IWS1: variants seen among roughly 807,000 people sequenced by gnomAD.
The protein encoded by IWS1 is protein IWS1 homolog.
In IWS1, 27 loss-of-function variants were observed where a neutral mutation model predicts 86.7. The ratio of observed to expected loss-of-function variants is 0.31; its 90% CI spans 0.23 to 0.43. The LOEUF (loss-of-function observed/expected upper bound fraction) is 0.43, where lower values mean the gene tolerates loss of function less well. IWS1 is among the 20% of genes least tolerant of loss of function. The pLI, the probability that IWS1 is intolerant of heterozygous loss-of-function variation, is 1.00. For synonymous variants in IWS1, 313 were observed against 335.1 expected, an observed-to-expected ratio of 0.93 and a Z score of 0.72; for missense variants, 827 against 1,000.8, an observed-to-expected ratio of 0.83 and a Z score of 2.34.
chr2:127,492,141 T>C (rs1348566821), intron 9 of IWS1, 53 bp from the exon 10 acceptor site: 1 of 1,167,802 alleles, frequency 8.6e-7, no homozygotes, highest in African/African-American at 1.5e-5. Context: ...GCTGGGGGTC[T>C]TGCTAGTCTA....
chr2:127,484,853 C>A (rs1454522394), intron 13 of IWS1, among the ~76,000 whole-genome samples: 1 of 151,924 alleles, frequency 6.6e-6, no homozygotes, highest in Non-Finnish European at 1.5e-5. Context: ...AAAAATTAGC[C>A]GAGCATGGTG....
In IWS1 at chr2:127,495,807, T is replaced by C. The variant is rs562005659; in HGVS notation, c.1716+191A>G. Reference sequence around the variant, plus strand: ...ACGTTTCATTTTACTGAATACCTCATATTTTCACTTTTTCTAAACGTGTGA... The same window carrying C: ...ACGTTTCATTTTACTGAATACCTCACATTTTCACTTTTTCTAAACGTGTGA... On this transcript the variant is annotated intron_variant, in intron 7 of 13. Coordinates refer to ENST00000295321, the MANE Select transcript of IWS1 (RefSeq NM_017969.3). Among the ~76,000 whole-genome samples, 63 of 152,368 alleles carry C rather than the reference T, an allele frequency of 4.1e-4. No homozygotes were observed. Among genetic ancestry groups the C allele is most frequent in the South Asian group, 1.2e-3 (6 of 4,830 alleles).
Position 127,496,081 on chromosome 2 carries a change from G to A in IWS1, c.1633C>T (p.Arg545Trp), listed in dbSNP as rs1690495266. 7 of 1,614,004 alleles carry A rather than the reference G, an allele frequency of 4.3e-6. No individual in the cohort carries two copies. The highest frequency in any genetic ancestry group is 5.9e-6 in the Non-Finnish European group (7 of 1,179,976). ...ATAAAGGTGCCACCATCGCGGTTCCGTCTGCGCTTGCCACTCATGCTCTTT... is the reference window on the plus strand; with the variant it reads ...ATAAAGGTGCCACCATCGCGGTTCCATCTGCGCTTGCCACTCATGCTCTTT... ...RKKSMSGKRR[R>W]NRDGGTFISD... The change falls in exon 7 of 14, where the codon CGG becomes TGG. Residue 545 changes from arginine to tryptophan, a missense_variant. Arg to Trp is a moderately radical substitution (Grantham distance 101). This residue lies in a region of IWS1 where 279 missense variants were observed against 440.6 expected (regional missense o/e 0.63). Coordinates refer to ENST00000295321, the MANE Select transcript of IWS1 (RefSeq NM_017969.3).
chr2:127,522,451 T>C (rs1167240154), intron 2 of IWS1, among the ~76,000 whole-genome samples: 1 of 152,220 alleles, frequency 6.6e-6, no homozygotes, highest in East Asian at 1.9e-4. Context: ...AATGTCTTTC[T>C]CCTCCTACTG....
chr2:127,508,711 T>G (rs1691278076), intron 2 of IWS1, among the ~76,000 whole-genome samples: 1 of 152,200 alleles, frequency 6.6e-6, no homozygotes, highest in South Asian at 2.1e-4. Context: ...AAGGATCATT[T>G]TACTAGAGTA....
chr2:127,527,115 G>A (rs1237287831), upstream of IWS1, among the ~76,000 whole-genome samples: 1 of 152,178 alleles, frequency 6.6e-6, no homozygotes, highest in Non-Finnish European at 1.5e-5. Flanking sequence ...GAAAACAGCG[G>A]TGATTAAGAA....
chr2:127,491,910 T>C (rs950870710), intron 10 of IWS1, 61 bp downstream of exon 10: 7 of 952,064 alleles, frequency 7.4e-6, no homozygotes, highest in Admixed American at 3.5e-5. Flanking sequence ...CTTTTATATA[T>C]ACGCATCTCT....
At chr2:127,519,577 TAA>T (rs56303014) in intron 2 of IWS1, among the ~76,000 whole-genome samples, 6 of 149,128 alleles carry the variant, frequency 4.0e-5, no homozygotes, top group Admixed American at 1.3e-4. Context: ...ATGAGGGGTT[TAA>T]AAAAAAAAAT....
intron 12 of IWS1, among the ~76,000 whole-genome samples, chr2:127,488,772 C>T (rs985653865): frequency 1.3e-5 from 2 of 152,218 alleles, no homozygotes; most frequent in African/African-American, 4.8e-5. Flanking sequence ...CCACCTCAGG[C>T]CCCATACTAC....
chr2:127,516,622 A>G (rs944141982), intron 2 of IWS1, among the ~76,000 whole-genome samples: 3 of 152,098 alleles, frequency 2.0e-5, no homozygotes, highest in African/African-American at 7.2e-5. Flanking sequence ...TTAGCCAGGC[A>G]TGATGGTACG....
At chr2:127,495,649 T>C (rs2104678075) in intron 7 of IWS1, among the ~76,000 whole-genome samples, 1 of 152,342 alleles carries the variant, frequency 6.6e-6, no homozygotes, top group African/African-American at 2.4e-5. Flanking sequence ...AGCCGTGTCT[T>C]GATCAGGAGC....
At chr2:127,493,217 G>T in intron 9 of IWS1, 64 bp downstream of exon 9, 1 of 1,467,300 alleles carries the variant, frequency 6.8e-7, no homozygotes, top group Non-Finnish European at 9.2e-7. Flanking sequence ...AAACTACACA[G>T]GTTATGACCA....
chr2:127,503,272 A>G, intron 4 of IWS1, 115 bp downstream of exon 4: 1 of 743,750 alleles, frequency 1.3e-6, no homozygotes, highest in East Asian at 2.5e-5. Flanking sequence ...TCAGGAACTA[A>G]AATACTAAAT....
At chr2:127,520,816 T>C (rs1692051602) in intron 2 of IWS1, among the ~76,000 whole-genome samples, 2 of 152,202 alleles carry the variant, frequency 1.3e-5, no homozygotes, top group African/African-American at 4.8e-5. Context: ...TTTAATACAA[T>C]AGCTAAACAG....
Position 127,504,607 on chromosome 2 carries a change from G to A in IWS1, c.1219+77C>T, listed in dbSNP as rs923873780. 7.9e-6 allele frequency: 8 copies of A among 1,008,774 alleles called. No individual in the cohort carries two copies. The African/African-American group carries it at 1.3e-4, about 16-fold the overall frequency. The allele number at this position is 1,008,774 out of a possible 1,614,324, so 62.5% of individuals were successfully genotyped here. A position where few individuals can be genotyped will look rare whatever the true frequency, so the allele number is the denominator to read the frequency against. On this transcript the variant is annotated intron_variant, in intron 3 of 13. Transcript: ENST00000295321. ...ACAGAACACAGATCTGACATACCAA[G>A]AGGATACAATGTTCCACAGTTACAA...
At chr2:127,494,479 T>C (rs574783348) in intron 8 of IWS1, 23 of 153,566 alleles carry the variant, frequency 1.5e-4, no homozygotes, top group Non-Finnish European at 2.5e-4. Context: ...ACAAAATTAG[T>C]GGCCAGGTGC....
Position 127,503,515 on chromosome 2 carries a change from G to C in IWS1, c.1281C>G (p.Asp427Glu), listed in dbSNP as rs1019612272. 53 of 1,613,238 alleles carry C rather than the reference G, an allele frequency of 3.3e-5. No homozygotes were observed. Among genetic ancestry groups the C allele is most frequent in the Non-Finnish European group, 4.4e-5 (52 of 1,179,734 alleles). Residue 427 changes from aspartate to glutamate, a missense_variant, in exon 4 of 14, where the codon GAC becomes GAG. Coordinates refer to ENST00000295321, the MANE Select transcript of IWS1 (RefSeq NM_017969.3). Reference protein sequence around the residue: ...ADDSDSDAVSDKSGKREKTIA... With the variant: ...ADDSDSDAVSEKSGKREKTIA... ...TGGTCTTCTCTCTTTTGCCTGACTT[G>C]TCTGATACAGCATCACTGTCAGAGT... is the stretch of plus-strand genomic sequence containing the variant.
chr2:127,491,411 G>A (rs1445256481), intron 10 of IWS1, among the ~76,000 whole-genome samples: 3 of 151,484 alleles, frequency 2.0e-5, no homozygotes, highest in Admixed American at 6.6e-5. Flanking sequence ...CCATGCTCTC[G>A]ACCCATGACT....
At chr2:127,493,836 CAAAA>C (rs35810945) in intron 8 of IWS1, among the ~76,000 whole-genome samples, 22 of 92,998 alleles carry the variant, frequency 2.4e-4, no homozygotes, top group African/African-American at 7.4e-4. Flanking sequence ...ACTGGCAGGA[CAAAA>C]AAAAAAAAAA....
Sources: allele counts gnomAD v4.1 joint callset (sites outside exome capture counted in the v4.1 genomes callset), GRCh38; gene constraint gnomAD v4.1.1; regional missense constraint gnomAD v4.1.1; transcripts MANE v1.5; gene names NCBI Gene and HGNC (gene_info 2026-07-23, HGNC 2026-07-21).